ELMOD3: variants seen among roughly 807,000 people sequenced by gnomAD.
The protein encoded by ELMOD3 is ELMO domain-containing protein 3.
A neutral mutation model predicts 47.4 loss-of-function variants in ELMOD3; 36 were observed. That is an observed-to-expected ratio of 0.76 (90% CI 0.58 to 1.00). ELMOD3 has a LOEUF of 1.00. ELMOD3 is among the 50% of genes least tolerant of loss of function. The probability of loss-of-function intolerance (pLI) is 0.00; values close to 1 mark genes in which losing one functional copy is unlikely to be tolerated. For synonymous variants in ELMOD3, 149 were observed against 183.5 expected, an observed-to-expected ratio of 0.81 and a Z score of 1.52; for missense variants, 404 against 463.8, an observed-to-expected ratio of 0.87 and a Z score of 1.18.
chr2:85,357,008 C>T lies in ELMOD3; in HGVS notation c.-191C>T. On this transcript the variant is annotated 5_prime_UTR_variant, in exon 4 of 14. Transcript: ENST00000409013. ...ACCTCAGAGGACTTCTCTCAGCACT[C>T]ACAGAAACCTCCTACACCCTCGGAT... 2 of 484,426 alleles carry T rather than the reference C, an allele frequency of 4.1e-6. No homozygotes were observed. The highest frequency in any genetic ancestry group is 7.3e-6 in the Non-Finnish European group (2 of 273,110). The allele number at this position is 484,426 out of a possible 1,614,324, so 30.0% of individuals were successfully genotyped here.
Position 85,390,798 on chromosome 2 carries a change from C to T in ELMOD3, c.982C>T (p.Leu328Phe), listed in dbSNP as rs560398980. 20 of 1,551,578 alleles carry T rather than the reference C, an allele frequency of 1.3e-5. No homozygotes were observed. In the African/African-American group the frequency reaches 1.9e-4, roughly 15 times the overall value. Residue 328 changes from leucine (L) to phenylalanine (F), a missense_variant, in exon 14 of 14, where the codon CTC becomes TTC. Leu to Phe is a conservative substitution (Grantham distance 22). Coordinates refer to ENST00000409013, the MANE Select transcript of ELMOD3 (RefSeq NM_001135022.2). ...VLAKKSPRRL[L>F]KTLELYLARV... ...GGCCAAGAAGAGCCCACGGCGGCTGCTCAAGACCCTGGAGCTGTACTTGGC... is the reference window on the plus strand; with the variant it reads ...GGCCAAGAAGAGCCCACGGCGGCTGTTCAAGACCCTGGAGCTGTACTTGGC...
At chr2:85,382,343 CAGG>C (rs1275198818) in intron 11 of ELMOD3, among the ~76,000 whole-genome samples, 1 of 150,002 alleles carries the variant, frequency 6.7e-6, no homozygotes, top group Admixed American at 6.7e-5. Flanking sequence ...GAGGCTGAGG[CAGG>C]AGAATGGCAT....
At chr2:85,366,588 C>T (rs1039109537) in intron 6 of ELMOD3, among the ~76,000 whole-genome samples, 2 of 152,236 alleles carry the variant, frequency 1.3e-5, no homozygotes, top group Non-Finnish European at 2.9e-5. Flanking sequence ...ACCCCATCCT[C>T]ACAACAGCCC....
At chr2:85,368,823 C>T in intron 7 of ELMOD3, 69 bp downstream of exon 7, 2 of 1,524,706 alleles carry the variant, frequency 1.3e-6, no homozygotes, top group Non-Finnish European at 1.8e-6. Flanking sequence ...ACACATGTGG[C>T]AAATGTTTCT....
At chr2:85,373,899 T>G (rs1317368229) in intron 10 of ELMOD3, among the ~76,000 whole-genome samples, 1 of 150,656 alleles carries the variant, frequency 6.6e-6, no homozygotes, top group Non-Finnish European at 1.5e-5. Flanking sequence ...TTCCATTGTT[T>G]GTTCTTCCTT....
At chr2:85,371,412 C>T (rs1474536131) in intron 9 of ELMOD3, 28 bp from the exon 10 acceptor site, 8 of 1,613,518 alleles carry the variant, frequency 5.0e-6, no homozygotes, top group Non-Finnish European at 6.8e-6. Context: ...GGCAATCTGG[C>T]AGAGAGTGTG....
chr2:85,371,418 G>T, intron 9 of ELMOD3, 22 bp from the exon 10 acceptor site: 2 of 1,614,042 alleles, frequency 1.2e-6, no homozygotes, highest in Non-Finnish European at 8.5e-7. Context: ...CTGGCAGAGA[G>T]TGTGGGTGTG....
intron 6 of ELMOD3, among the ~76,000 whole-genome samples, chr2:85,366,344 T>C (rs534659167): frequency 2.6e-5 from 4 of 152,262 alleles, no homozygotes; most frequent in Admixed American, 6.5e-5. Flanking sequence ...TTTATTTTCT[T>C]GATCCTCCAA....
rs566028011 is a variant in ELMOD3 at position 85,362,830 on chromosome 2, A to G, written c.130-267A>G. ...CTACTTGGGAGGCTGAAGTAGGAGGATCACTTGAGCCCAGGAGGTGGAGGT... is the reference window on the plus strand; with the variant it reads ...CTACTTGGGAGGCTGAAGTAGGAGGGTCACTTGAGCCCAGGAGGTGGAGGT... On this transcript the variant is annotated intron_variant, in intron 5 of 13. Coordinates refer to ENST00000409013, the MANE Select transcript of ELMOD3 (RefSeq NM_001135022.2). 4.6e-5 allele frequency among the ~76,000 whole-genome samples: 7 copies of G among 152,362 alleles called. No homozygotes were observed. In the East Asian group the frequency reaches 1.3e-3, roughly 29 times the overall value.
intron 6 of ELMOD3, 21 bp downstream of exon 6, chr2:85,363,187 C>T (rs2104517315): frequency 6.6e-7 from 1 of 1,525,596 alleles, no homozygotes. Flanking sequence ...CTTCAGGGCC[C>T]TTGGAGTCTG....
At chr2:85,389,897 T>C in intron 12 of ELMOD3, 70 bp downstream of exon 12, 1 of 1,438,764 alleles carries the variant, frequency 7.0e-7, no homozygotes, top group Non-Finnish European at 9.8e-7. Flanking sequence ...CTGGCTTAAT[T>C]TTCCCCAGCT....
chr2:85,373,729 C>T (rs558292198), intron 10 of ELMOD3, among the ~76,000 whole-genome samples: 5 of 151,524 alleles, frequency 3.3e-5, no homozygotes, highest in African/African-American at 9.7e-5. Flanking sequence ...GTCCCAGCTA[C>T]GTGGGAGGCT....
At chr2:85,373,120 G>A (rs1324814394) in intron 10 of ELMOD3, among the ~76,000 whole-genome samples, 5 of 150,012 alleles carry the variant, frequency 3.3e-5, no homozygotes, top group Admixed American at 3.3e-4. Flanking sequence ...CCAGGCATGG[G>A]GGTGTGCACC....
chr2:85,359,494 G>A (rs1175298132), intron 4 of ELMOD3, among the ~76,000 whole-genome samples: 2 of 140,422 alleles, frequency 1.4e-5, no homozygotes, highest in African/African-American at 2.7e-5. Flanking sequence ...TGCACCCTCC[G>A]CCTCCCAGGT....
chr2:85,390,374 A>T, intron 13 of ELMOD3, 109 bp downstream of exon 13: 2 of 1,613,884 alleles, frequency 1.2e-6, no homozygotes, highest in Non-Finnish European at 1.7e-6. Flanking sequence ...CCCCATCCAC[A>T]CTTTCTCAAA....
intron 10 of ELMOD3, chr2:85,372,083 T>G: frequency 6.5e-6 from 1 of 153,036 alleles, no homozygotes; most frequent in South Asian, 2.0e-4. Context: ...GCAGGAGAAT[T>G]GCTTGAACCT....
intron 11 of ELMOD3, among the ~76,000 whole-genome samples, chr2:85,378,860 C>T (rs1685350734): frequency 6.6e-6 from 1 of 152,126 alleles, no homozygotes; most frequent in Non-Finnish European, 1.5e-5. Context: ...TGGTTTATTC[C>T]TAGACGGATA....
intron 13 of ELMOD3, chr2:85,390,507 T>A (rs754046070): frequency 6.2e-7 from 1 of 1,601,256 alleles, no homozygotes. Context: ...GATCAAAAAT[T>A]GGGAGCCAGG....
rs1272911022 is a variant in ELMOD3 at position 85,354,820 on chromosome 2, T to C, written c.-381T>C. The C allele has an allele frequency of 3.6e-6, 1 of 280,412 alleles. No homozygotes were observed. Among genetic ancestry groups the C allele is most frequent in the Non-Finnish European group, 6.8e-6 (1 of 146,632 alleles). 17.4% of individuals were successfully genotyped at this position (280,412 alleles called of 1,614,324 possible). ...GGCGGGACCCCCAAGTTTGGAAAGC[T>C]CTTTTAACGGTGAGAACGCGTTAAC... is the stretch of plus-strand genomic sequence containing the variant. On this transcript the variant is annotated 5_prime_UTR_variant, in exon 1 of 14. Coordinates refer to ENST00000409013, the MANE Select transcript of ELMOD3 (RefSeq NM_001135022.2).
Sources: allele counts gnomAD v4.1 joint callset (sites outside exome capture counted in the v4.1 genomes callset), GRCh38; gene constraint gnomAD v4.1.1; transcripts MANE v1.5; gene names NCBI Gene and HGNC (gene_info 2026-07-23, HGNC 2026-07-21).